Variants in HSPA4L observed in about 807,000 individuals in gnomAD.
HSPA4L encodes heat shock 70 kDa protein 4L.
Under a neutral mutation model 100.3 loss-of-function variants are expected in HSPA4L, and 48 were observed. The observed-to-expected ratio is 0.48, with a 90% CI of 0.38 to 0.61. HSPA4L has a LOEUF of 0.61. Among genes scored for constraint, HSPA4L ranks in the 20% least tolerant of loss-of-function variants. The pLI is 0.00. For synonymous variants in HSPA4L, 319 were observed against 328.2 expected (o/e 0.97, Z 0.30); for missense variants, 886 against 988.6 (o/e 0.90, Z 1.39).
At chr4:127,823,222 C>T (rs1014887725) in intron 15 of HSPA4L, among the ~76,000 whole-genome samples, 2 of 152,086 alleles carry the variant, frequency 1.3e-5, no homozygotes, top group Non-Finnish European at 2.9e-5. Context: ...GATTTCAGCT[C>T]ACTGCAACTT....
intron 1 of HSPA4L, among the ~76,000 whole-genome samples, chr4:127,793,286 C>T (rs1732927647): frequency 6.6e-6 from 1 of 152,064 alleles, no homozygotes; most frequent in African/African-American, 2.4e-5. Context: ...AGTAATTATT[C>T]TCTTCTTTGC....
chr4:127,830,631 TA>T lies in HSPA4L; in HGVS notation c.2167-4del. The stretch of plus-strand genomic sequence containing the variant: ...AACATGCAGTCAAGCTTTTTTTTTT[TA>T]AATAGGATGAAAGATATGATCATCT... On this transcript the variant is annotated splice_region_variant and splice_polypyrimidine_tract_variant and intron_variant, in intron 17 of 18. Transcript: ENST00000296464. 1.9e-6 allele frequency: 3 copies of T among 1,551,578 alleles called. No homozygotes were observed. The highest frequency in any genetic ancestry group is 2.6e-6 in the Non-Finnish European group (3 of 1,155,402).
intron 12 of HSPA4L, among the ~76,000 whole-genome samples, chr4:127,812,505 TAGG>T (rs1234496077): frequency 2.6e-5 from 4 of 152,240 alleles, no homozygotes; most frequent in Admixed American, 6.5e-5. Flanking sequence ...GAAGGAATCT[TAGG>T]AGAACTTTAT....
chr4:127,793,854 G>A (rs979560064), intron 1 of HSPA4L, among the ~76,000 whole-genome samples: 1 of 152,072 alleles, frequency 6.6e-6, no homozygotes, highest in African/African-American at 2.4e-5. Context: ...ACATTGTATT[G>A]CCAGCTATTA....
intron 18 of HSPA4L, among the ~76,000 whole-genome samples, chr4:127,832,146 T>C (rs549996527): frequency 6.6e-6 from 1 of 152,302 alleles, no homozygotes; most frequent in Admixed American, 6.5e-5. Context: ...GCAAGGAAAT[T>C]GAAGAGCATT....
upstream of HSPA4L, chr4:127,782,105 G>T: frequency 2.2e-6 from 1 of 450,418 alleles, no homozygotes. Flanking sequence ...CCGCCTTCCC[G>T]CTTCTCCCGC....
chr4:127,789,124 A>G (rs1732799996), intron 1 of HSPA4L, among the ~76,000 whole-genome samples: 1 of 152,194 alleles, frequency 6.6e-6, no homozygotes, highest in Non-Finnish European at 1.5e-5. Context: ...GCCTTATAAA[A>G]ATTAGCTTTT....
rs767992185 is a variant in HSPA4L, at chr4:127,811,633, T to A, written c.1575T>A (p.Asn525Lys). 6.2e-7 allele frequency: 1 copy of A among 1,602,856 alleles called. No individual in the cohort carries two copies. Among genetic ancestry groups the A allele is most frequent in the Admixed American group, 1.7e-5 (1 of 59,920 alleles). ...ETSFKNENKDNMDKMQVDQEE... is the reference protein window; with the variant it reads ...ETSFKNENKDKMDKMQVDQEE... ...CATTTAAAAATGAAAACAAAGATAA[T>A]ATGGTATGTAGAAATTCTTTCTCAA... The change falls in exon 12 of 19, where the codon AAT becomes AAA. Residue 525 changes from asparagine (N) to lysine (K), a missense_variant. Transcript: ENST00000296464.
chr4:127,831,224 G>C (rs1734071497), intron 18 of HSPA4L, among the ~76,000 whole-genome samples: 1 of 152,058 alleles, frequency 6.6e-6, no homozygotes, highest in Non-Finnish European at 1.5e-5. Context: ...TGTTGGCCAG[G>C]CGTGGTGGCT....
Position 127,805,738 on chromosome 4 carries a change from C to G in HSPA4L, c.1189C>G (p.Leu397Val). 1 of 1,612,654 alleles carries G rather than the reference C, an allele frequency of 6.2e-7. No individual in the cohort carries two copies. Among genetic ancestry groups the G allele is most frequent in the Non-Finnish European group, 8.5e-7 (1 of 1,179,112 alleles). ...AGTGCGTGAATTTTCCATAACAGAC[C>G]TTGTTCCCTATTCAATCACATTAAG... Reference protein sequence around the residue: ...FKVREFSITDLVPYSITLRWK... With the variant: ...FKVREFSITDVVPYSITLRWK... Residue 397 changes from leucine (L) to valine (V), a missense_variant, in exon 10 of 19, where the codon CTT becomes GTT. Physicochemically the swap from Leu to Val is conservative, Grantham distance 32 (BLOSUM62 1). Coordinates refer to ENST00000296464, the MANE Select transcript of HSPA4L (RefSeq NM_014278.4).
intron 15 of HSPA4L, 24 bp downstream of exon 15, chr4:127,822,918 T>C (rs749658976): frequency 6.2e-7 from 1 of 1,606,596 alleles, no homozygotes; most frequent in Admixed American, 1.7e-5. Context: ...CTGTTAATTT[T>C]TTGTGAGGAC....
In HSPA4L at chr4:127,839,383, T is replaced by C. The variant is rs769535640; in HGVS notation, c.*6509T>C. 1.3e-5 allele frequency: 2 copies of C among 152,278 alleles called. No individual in the cohort carries two copies. The highest frequency in any genetic ancestry group is 2.4e-5 in the African/African-American group (1 of 41,390). The allele number at this position is 152,278 out of a possible 1,614,324, so 9.4% of individuals were successfully genotyped here. A position where few individuals can be genotyped will look rare whatever the true frequency, so the allele number is the denominator to read the frequency against. On this transcript the variant is annotated 3_prime_UTR_variant, in exon 19 of 19. Transcript: ENST00000296464. ...AGGTGGATCGCCTGAGCTCAGGAGT[T>C]CAAGACCAGCCTGGGCAACATGGCA...
At chr4:127,808,354 G>A (rs1733423078) in intron 11 of HSPA4L, among the ~76,000 whole-genome samples, 1 of 152,096 alleles carries the variant, frequency 6.6e-6, no homozygotes, top group African/African-American at 2.4e-5. Context: ...TTTGGCATCT[G>A]TACATTCAGC....
intron 12 of HSPA4L, among the ~76,000 whole-genome samples, chr4:127,814,845 G>A (rs906237069): frequency 1.3e-5 from 2 of 152,124 alleles, no homozygotes; most frequent in African/African-American, 2.4e-5. Flanking sequence ...GATTACAGGC[G>A]TGAGCCACCG....
chr4:127,806,847 C>T (rs193020585), intron 10 of HSPA4L, among the ~76,000 whole-genome samples: 82 of 151,886 alleles, frequency 5.4e-4, no homozygotes, highest in African/African-American at 1.9e-3. Context: ...TTTTTGTATA[C>T]ATTTCAAAAA....
intron 12 of HSPA4L, among the ~76,000 whole-genome samples, chr4:127,817,466 C>T (rs562375291): frequency 3.0e-4 from 46 of 152,106 alleles, no homozygotes; most frequent in Middle Eastern, 3.4e-3. Context: ...ATGCTGATTC[C>T]TACATTTCAA....
At chr4:127,797,618 T>C (rs1276425527) in intron 3 of HSPA4L, among the ~76,000 whole-genome samples, 1 of 151,404 alleles carries the variant, frequency 6.6e-6, no homozygotes, top group Non-Finnish European at 1.5e-5. Flanking sequence ...TTTTTTTTTT[T>C]TGAGACGGAG....
Position 127,822,834 on chromosome 4 carries a change from A to G in HSPA4L, c.1878A>G (p.Glu626=), listed in dbSNP as rs1466805478. 2 of 1,613,574 alleles carry G rather than the reference A, an allele frequency of 1.2e-6. No homozygotes were observed. Among genetic ancestry groups the G allele is most frequent in the Non-Finnish European group, 1.7e-6 (2 of 1,179,660 alleles). ...ERNDAKNAVE[E]YVYDFRDRLG... ...ATGATGCTAAGAATGCCGTTGAAGAATATGTATATGATTTTAGAGACAGGC... is the reference window on the plus strand; with the variant it reads ...ATGATGCTAAGAATGCCGTTGAAGAGTATGTATATGATTTTAGAGACAGGC... The change falls in exon 15 of 19, where the codon GAA becomes GAG. Residue 626 remains glutamate, a synonymous_variant. Coordinates refer to ENST00000296464, the MANE Select transcript of HSPA4L (RefSeq NM_014278.4).
At chr4:127,800,513 G>A (rs1342341629) in intron 4 of HSPA4L, among the ~76,000 whole-genome samples, 1 of 152,076 alleles carries the variant, frequency 6.6e-6, no homozygotes, top group Non-Finnish European at 1.5e-5. Flanking sequence ...ATGTGTGTAT[G>A]TATGTATGTA....
Sources: allele counts gnomAD v4.1 joint callset (sites outside exome capture counted in the v4.1 genomes callset), GRCh38; gene constraint gnomAD v4.1.1; transcripts MANE v1.5; gene names NCBI Gene and HGNC (gene_info 2026-07-23, HGNC 2026-07-21).